The following ARHGAP15 variants were observed in gnomAD, a reference collection of about 807,000 sequenced individuals.
The protein encoded by ARHGAP15 is rho GTPase-activating protein 15.
Under a neutral mutation model 63.7 loss-of-function variants are expected in ARHGAP15, and 51 were observed. That is an observed-to-expected ratio of 0.80 (90% CI 0.64 to 1.01). The LOEUF is 1.01. Ranked by LOEUF, ARHGAP15 falls within the 50% of genes least tolerant of loss-of-function variation. ARHGAP15 has a pLI of 0.00. For synonymous variants in ARHGAP15, 191 were observed against 193.8 expected, an observed-to-expected ratio of 0.99 and a Z score of 0.12; for missense variants, 560 against 564.6, an observed-to-expected ratio of 0.99 and a Z score of 0.08.
intron 2 of ARHGAP15, among the ~76,000 whole-genome samples, chr2:143,186,146 T>C (rs1254785672): frequency 3.9e-5 from 6 of 152,170 alleles, no homozygotes; most frequent in Non-Finnish European, 8.8e-5. Context: ...ATAAAATTAG[T>C]GGTAAAGCCA....
chr2:143,136,018 G>C (rs1376034467), intron 1 of ARHGAP15, among the ~76,000 whole-genome samples: 2 of 152,006 alleles, frequency 1.3e-5, no homozygotes, highest in East Asian at 3.9e-4. Context: ...TGAGTATACA[G>C]TACTCAAAGC....
intron 13 of ARHGAP15, among the ~76,000 whole-genome samples, chr2:143,733,628 C>A (rs1436570306): frequency 6.6e-6 from 1 of 152,184 alleles, no homozygotes; most frequent in Non-Finnish European, 1.5e-5. Flanking sequence ...TATTTCCCAA[C>A]TCGTGTTGTA....
At chr2:143,405,395 C>A (rs1178777665) in intron 6 of ARHGAP15, among the ~76,000 whole-genome samples, 3 of 151,280 alleles carry the variant, frequency 2.0e-5, no homozygotes, top group African/African-American at 4.9e-5. Flanking sequence ...ATTATTCTTA[C>A]GGTTATCCTT....
At chr2:143,202,039 C>T (rs1692139320) in intron 2 of ARHGAP15, 95 bp from the exon 3 acceptor site, 1 of 937,142 alleles carries the variant, frequency 1.1e-6, no homozygotes, top group Non-Finnish European at 1.7e-6. Context: ...AATTCACATG[C>T]TTGAATAACA....
chr2:143,316,335 T>A (rs1683706906), intron 6 of ARHGAP15, among the ~76,000 whole-genome samples: 1 of 151,520 alleles, frequency 6.6e-6, no homozygotes, highest in South Asian at 2.1e-4. Flanking sequence ...ACCTACTGAA[T>A]CAAAATCTGT....
Position 143,647,382 on chromosome 2 carries a change from TA to T in ARHGAP15, c.1138+23122del, listed in dbSNP as rs1458470185. On this transcript the variant is annotated intron_variant, in intron 12 of 13. Transcript: ENST00000295095. ...GTTAAAAAAAAAAAAAAAAAGAACA[TA>T]AAAAAAGCAAGGCACTTATTAGAAA... 5.5e-5 allele frequency among the ~76,000 whole-genome samples: 8 copies of T among 145,658 alleles called. No individual in the cohort carries two copies. In the South Asian group the frequency reaches 1.1e-3, roughly 20 times the overall value.
At position 143,752,312 on chromosome 2, in the gene ARHGAP15, C is replaced by T. The variant is rs144897532; in HGVS notation, c.1245-15677C>T. ...ATACAACTTTTCTGTAGAATATCAA[C>T]GATGCTTAGCAACAGCTCTTCAATT... is the stretch of plus-strand genomic sequence containing the variant. On this transcript the variant is annotated intron_variant, in intron 13 of 13. Coordinates refer to ENST00000295095, the MANE Select transcript of ARHGAP15 (RefSeq NM_018460.4). Among the ~76,000 whole-genome samples, 383 of 152,306 alleles carry T rather than the reference C, an allele frequency of 2.5e-3. 3 individuals carry two copies. The highest frequency in any genetic ancestry group is 8.8e-3 in the African/African-American group (366 of 41,572).
chr2:143,269,577 A>T (rs1681166888), intron 6 of ARHGAP15, among the ~76,000 whole-genome samples: 1 of 152,208 alleles, frequency 6.6e-6, no homozygotes, highest in Non-Finnish European at 1.5e-5. Context: ...ATGAAGATGA[A>T]GCACAAAATA....
chr2:143,216,486 G>C lies in ARHGAP15; in HGVS notation c.296+41G>C, dbSNP rs773925847. 2.1e-6 allele frequency: 3 copies of C among 1,420,338 alleles called. No individual in the cohort carries two copies. The African/African-American group carries it at 4.3e-5, about 20-fold the overall frequency. 88.0% of individuals were successfully genotyped at this position (1,420,338 alleles called of 1,614,324 possible). Reference sequence around the variant, plus strand: ...AATTCACTTTTATATAACTATGCTGGTTCTTCATATGCTAAACTTGTGCCA... The same window carrying C: ...AATTCACTTTTATATAACTATGCTGCTTCTTCATATGCTAAACTTGTGCCA... On this transcript the variant is annotated intron_variant, in intron 4 of 13. Transcript: ENST00000295095.
intron 13 of ARHGAP15, among the ~76,000 whole-genome samples, chr2:143,746,751 T>C (rs1376456598): frequency 6.6e-6 from 1 of 152,126 alleles, no homozygotes; most frequent in African/African-American, 2.4e-5. Flanking sequence ...TCAACAACAA[T>C]GTAATACAAT....
chr2:143,552,675 G>A (rs142299943), intron 10 of ARHGAP15, among the ~76,000 whole-genome samples: 108 of 152,186 alleles, frequency 7.1e-4, no homozygotes, highest in Middle Eastern at 3.4e-3. Context: ...GATGATGAAC[G>A]AATAAACAAT....
chr2:143,391,090 T>C (rs528385494), intron 6 of ARHGAP15, among the ~76,000 whole-genome samples: 6 of 152,202 alleles, frequency 3.9e-5, no homozygotes, highest in Admixed American at 3.9e-4. Flanking sequence ...AAGAAGGGCA[T>C]AGAAAGTCCC....
intron 6 of ARHGAP15, among the ~76,000 whole-genome samples, chr2:143,420,723 C>T (rs908267931): frequency 6.6e-6 from 1 of 152,134 alleles, no homozygotes; most frequent in Non-Finnish European, 1.5e-5. Context: ...TGCCTGATGT[C>T]ATGGGAGCAT....
chr2:143,766,484 T>A (rs1686950327), intron 13 of ARHGAP15: 1 of 152,130 alleles, frequency 6.6e-6, no homozygotes, highest in South Asian at 2.1e-4. Flanking sequence ...ATGCTGGCAA[T>A]TCACACATGC....
At chr2:143,290,841 A>T (rs1328972885) in intron 6 of ARHGAP15, among the ~76,000 whole-genome samples, 1 of 152,154 alleles carries the variant, frequency 6.6e-6, no homozygotes, top group Non-Finnish European at 1.5e-5. Flanking sequence ...AACACAGATT[A>T]CTCACTTCTC....
intron 8 of ARHGAP15, among the ~76,000 whole-genome samples, chr2:143,463,062 A>G (rs1031224059): frequency 6.6e-6 from 1 of 151,962 alleles, no homozygotes; most frequent in Non-Finnish European, 1.5e-5. Flanking sequence ...TTCTTGAAAC[A>G]TGAGATATTT....
chr2:143,330,132 C>CAAAAAAAAAAA lies in ARHGAP15; in HGVS notation c.474+79532_474+79533insAAAAAAAAAAA, dbSNP rs367621500. ...AAAAAAAAAAAAAAAAAAAAAAAAA[C>CAAAAAAAAAAA]CAAAAACAAAAAACTAAACTAATGA... is the stretch of plus-strand genomic sequence containing the variant. On this transcript the variant is annotated intron_variant, in intron 6 of 13. Coordinates refer to ENST00000295095, the MANE Select transcript of ARHGAP15 (RefSeq NM_018460.4). Among the ~76,000 whole-genome samples the CAAAAAAAAAAA allele has an allele frequency of 4.5e-4, 22 of 48,930 alleles. 1 individual carries two copies. The highest frequency in any genetic ancestry group is 1.4e-3 in the African/African-American group (22 of 15,812). The allele number at this position is 48,930 out of a possible 152,430, so 32.1% of individuals were successfully genotyped here. A position where few individuals can be genotyped will look rare whatever the true frequency, so the allele number is the denominator to read the frequency against.
intron 6 of ARHGAP15, among the ~76,000 whole-genome samples, chr2:143,321,674 C>T (rs1197180998): frequency 1.3e-5 from 2 of 152,236 alleles, no homozygotes; most frequent in Admixed American, 1.3e-4. Context: ...TGCAAGTTAG[C>T]TAGAGAGAGA....
At chr2:143,524,221 T>G (rs1574575967) in intron 10 of ARHGAP15, among the ~76,000 whole-genome samples, 1 of 148,454 alleles carries the variant, frequency 6.7e-6, no homozygotes, top group Non-Finnish European at 1.5e-5. Context: ...ATATTTTTTT[T>G]GCTGTCGTTT....
Sources: gnomAD v4.1 joint callset for allele counts (sites outside exome capture counted in the v4.1 genomes callset) on GRCh38, gnomAD v4.1.1 for gene constraint, MANE v1.5 for transcripts, NCBI Gene and HGNC (gene_info 2026-07-23, HGNC 2026-07-21) for gene names.